The following DDAH1 variants were observed in gnomAD, a reference collection of about 807,000 sequenced individuals.
DDAH1 encodes N(G),N(G)-dimethylarginine dimethylaminohydrolase 1.
Under a neutral mutation model 28.8 loss-of-function variants are expected in DDAH1, and 19 were observed. That is an observed-to-expected ratio of 0.66 (90% CI 0.46 to 0.97). The LOEUF (loss-of-function observed/expected upper bound fraction) is 0.97. DDAH1 is among the 50% of genes least tolerant of loss of function. The pLI, the probability that DDAH1 is intolerant of heterozygous loss-of-function variation, is 0.00. For missense variants in DDAH1, 326 were observed against 375.9 expected (o/e 0.87, Z 1.10); for synonymous variants, 153 against 154.4 (o/e 0.99, Z 0.07).
intron 4 of DDAH1, among the ~76,000 whole-genome samples, chr1:85,348,410 T>C (rs1050343271): frequency 2.0e-5 from 3 of 152,174 alleles, no homozygotes; most frequent in African/African-American, 7.2e-5. Context: ...CCCAGATTGC[T>C]CCCTCACGGT....
chr1:85,511,154 C>T (rs1227848893), intron 1 of DDAH1, among the ~76,000 whole-genome samples: 11 of 152,180 alleles, frequency 7.2e-5, no homozygotes, highest in Non-Finnish European at 1.2e-4. Context: ...AACTGTCTCT[C>T]GGACCACACT....
chr1:85,432,256 C>T (rs1360197328), intron 1 of DDAH1, among the ~76,000 whole-genome samples: 1 of 152,062 alleles, frequency 6.6e-6, no homozygotes, highest in Non-Finnish European at 1.5e-5. Flanking sequence ...CAAAGTGTGG[C>T]CTCTTCATCT....
At chr1:85,425,249 T>C (rs1434450503) in intron 1 of DDAH1, among the ~76,000 whole-genome samples, 1 of 152,120 alleles carries the variant, frequency 6.6e-6, no homozygotes, top group African/African-American at 2.4e-5. Flanking sequence ...ATCACTTCTT[T>C]TTTTATTTTT....
intron 2 of DDAH1, among the ~76,000 whole-genome samples, chr1:85,475,844 C>T (rs692875): frequency 0.67 from 102,126 of 151,862 alleles, 35,788 homozygotes; most frequent in African/African-American, 0.89. Flanking sequence ...TTTGTTTGTT[C>T]GTTTGTTTTT....
chr1:85,472,996 T>C (rs1332952533), intron 2 of DDAH1, among the ~76,000 whole-genome samples: 1 of 152,230 alleles, frequency 6.6e-6, no homozygotes, highest in Non-Finnish European at 1.5e-5. Flanking sequence ...TGTTTCTGCT[T>C]TAATTCACTT....
At chr1:85,568,392 C>A (rs559938137) in intron 1 of DDAH1, among the ~76,000 whole-genome samples, 22 of 152,310 alleles carry the variant, frequency 1.4e-4, no homozygotes, top group South Asian at 1.2e-3. Flanking sequence ...AATCCTGGAG[C>A]ACTGTCATTT....
At chr1:85,565,013 G>A (rs1053069351) in intron 1 of DDAH1, among the ~76,000 whole-genome samples, 10 of 152,132 alleles carry the variant, frequency 6.6e-5, no homozygotes, top group African/African-American at 2.4e-4. Context: ...TGGCCAACAT[G>A]GTGAAACCCC....
chr1:85,527,188 T>C (rs1282366089), intron 1 of DDAH1, among the ~76,000 whole-genome samples: 1 of 152,218 alleles, frequency 6.6e-6, no homozygotes, highest in Non-Finnish European at 1.5e-5. Context: ...GTGATTCTTC[T>C]TTACTGAGGA....
At chr1:85,426,983 G>A (rs550864384) in intron 1 of DDAH1, among the ~76,000 whole-genome samples, 1 of 150,752 alleles carries the variant, frequency 6.6e-6, no homozygotes, top group East Asian at 1.9e-4. Context: ...TACCCACTTG[G>A]GCTAAAACTT....
Position 85,362,119 on chromosome 1 carries a change from G to T in DDAH1, c.304-3272C>A, listed in dbSNP as rs534270027. On this transcript the variant is annotated intron_variant, in intron 1 of 5. Coordinates refer to ENST00000284031, the MANE Select transcript of DDAH1 (RefSeq NM_012137.4). ...TGCTTTCCTGTGAATTAAAATTATA[G>T]ATTTTTTTTTTGCAAAGCCAGTATA... 3.3e-5 allele frequency among the ~76,000 whole-genome samples: 5 copies of T among 152,032 alleles called. No homozygotes were observed. In the South Asian group the frequency reaches 6.2e-4, roughly 19 times the overall value.
intron 1 of DDAH1, among the ~76,000 whole-genome samples, chr1:85,400,727 T>C (rs370311503): frequency 3.3e-5 from 5 of 152,144 alleles, no homozygotes; most frequent in African/African-American, 1.2e-4. Flanking sequence ...TAGGCCCTCA[T>C]AGACTAAAAT....
intron 1 of DDAH1, among the ~76,000 whole-genome samples, chr1:85,364,688 G>T (rs866171242): frequency 6.6e-6 from 1 of 152,036 alleles, no homozygotes; most frequent in Admixed American, 6.6e-5. Context: ...TGGATTACAG[G>T]CTTGTGCCAC....
chr1:85,342,921 CA>C (rs1648594655), intron 4 of DDAH1, among the ~76,000 whole-genome samples: 2 of 152,292 alleles, frequency 1.3e-5, no homozygotes, highest in African/African-American at 4.8e-5. Flanking sequence ...AGTATGTTTT[CA>C]GAAAGCTACT....
intron 1 of DDAH1, among the ~76,000 whole-genome samples, chr1:85,443,491 G>C (rs1239870860): frequency 6.6e-6 from 1 of 152,182 alleles, no homozygotes; most frequent in African/African-American, 2.4e-5. Flanking sequence ...TTTGGCTTAG[G>C]ATTGTCTTGG....
chr1:85,376,890 T>C (rs1348576592), intron 1 of DDAH1: 2 of 151,106 alleles, frequency 1.3e-5, no homozygotes, highest in African/African-American at 2.4e-5. Flanking sequence ...ATAGCCCCAA[T>C]ACAAAAAGCT....
At chr1:85,468,871 G>A (rs575334361), upstream of DDAH1, among the ~76,000 whole-genome samples, 2 of 152,170 alleles carry the variant, frequency 1.3e-5, no homozygotes, top group African/African-American at 4.8e-5. Flanking sequence ...TCACTACCAC[G>A]AGAACAGTAC....
chr1:85,365,556 T>C (rs1650028721), intron 1 of DDAH1, among the ~76,000 whole-genome samples: 1 of 152,194 alleles, frequency 6.6e-6, no homozygotes, highest in Admixed American at 6.5e-5. Flanking sequence ...TAAAAATCTT[T>C]AGGTAGTCAA....
At chr1:85,473,757 A>G (rs1320435821) in intron 2 of DDAH1, among the ~76,000 whole-genome samples, 1 of 151,928 alleles carries the variant, frequency 6.6e-6, no homozygotes, top group African/African-American at 2.4e-5. Flanking sequence ...CTTCTACTCC[A>G]TTGCTTTTCC....
At chr1:85,554,990 C>T (rs1658920136) in intron 1 of DDAH1, among the ~76,000 whole-genome samples, 1 of 152,176 alleles carries the variant, frequency 6.6e-6, no homozygotes, top group African/African-American at 2.4e-5. Context: ...TTTTAAATGT[C>T]ATATTATGCT....
Sources: gnomAD v4.1 joint callset for allele counts (sites outside exome capture counted in the v4.1 genomes callset) on GRCh38, gnomAD v4.1.1 for gene constraint, MANE v1.5 for transcripts, NCBI Gene and HGNC (gene_info 2026-07-23, HGNC 2026-07-21) for gene names.